Variants in VSTM2B observed in about 807,000 individuals in gnomAD.
The protein encoded by VSTM2B is V-set and transmembrane domain-containing protein 2B.
A neutral mutation model predicts 24.0 loss-of-function variants in VSTM2B; 24 were observed. That is an observed-to-expected ratio of 1.00 (90% CI 0.72 to 1.40). The LOEUF is 1.40. Among genes scored for constraint, VSTM2B ranks in the 40% most tolerant of loss-of-function variants. The probability of loss-of-function intolerance (pLI) is 0.00; values close to 1 mark genes in which losing one functional copy is unlikely to be tolerated. For missense variants in VSTM2B, 399 were observed against 416.4 expected, an observed-to-expected ratio of 0.96 and a Z score of 0.36; for synonymous variants, 226 against 194.4, an observed-to-expected ratio of 1.16 and a Z score of -1.35.
intron 4 of VSTM2B, among the ~76,000 whole-genome samples, chr19:29,544,814 A>G (rs1484846574): frequency 6.6e-6 from 1 of 152,188 alleles, no homozygotes; most frequent in African/African-American, 2.4e-5. Context: ...GACCTGGCCC[A>G]TGTCTGGTGC....
chr19:29,538,832 G>A (rs532351249), intron 4 of VSTM2B, among the ~76,000 whole-genome samples: 1 of 152,190 alleles, frequency 6.6e-6, no homozygotes, highest in African/African-American at 2.4e-5. Flanking sequence ...CCATGAGGAG[G>A]GCACCAGGCC....
intron 4 of VSTM2B, among the ~76,000 whole-genome samples, chr19:29,546,499 T>G (rs1369191800): frequency 1.3e-5 from 2 of 152,204 alleles, no homozygotes; most frequent in African/African-American, 4.8e-5. Context: ...CTGAGAGAGA[T>G]AAAGGGGAAA....
At chr19:29,528,591 C>T in intron 3 of VSTM2B, 129 bp downstream of exon 3, 3 of 1,189,292 alleles carry the variant, frequency 2.5e-6, no homozygotes, top group Non-Finnish European at 3.6e-6. Context: ...CGATCGCAGC[C>T]TTGCATCGGT....
chr19:29,526,717 G>C lies in VSTM2B; in HGVS notation c.82+52G>C. ...GTGGACTCGGGGGGGTCTTTGCTGG[G>C]GCCGCCACCGAGAAGAAGAAGAAAG... On this transcript the variant is annotated intron_variant, in intron 1 of 4. Transcript: ENST00000335523. This position sits in a 1 kb window ranked among gnomAD's most constrained non-coding sequence, Gnocchi z 4.1. 1 of 1,447,980 alleles carries C rather than the reference G, an allele frequency of 6.9e-7. No homozygotes were observed. Among genetic ancestry groups the C allele is most frequent in the South Asian group, 1.3e-5 (1 of 79,944 alleles). 89.7% of individuals were successfully genotyped at this position (1,447,980 alleles called of 1,614,324 possible).
chr19:29,556,970 T>C (rs1056415279), intron 4 of VSTM2B, among the ~76,000 whole-genome samples: 1 of 152,198 alleles, frequency 6.6e-6, no homozygotes, highest in Non-Finnish European at 1.5e-5. Context: ...AAGCAATTTA[T>C]AGATTCAATG....
chr19:29,549,682 T>TA (rs1970233755), intron 4 of VSTM2B, among the ~76,000 whole-genome samples: 1 of 152,156 alleles, frequency 6.6e-6, no homozygotes. Flanking sequence ...ATCTGGACCA[T>TA]ATATGTCTCC....
chr19:29,526,984 G>A lies in VSTM2B; in HGVS notation c.83-227G>A. 2.1e-5 allele frequency: 10 copies of A among 481,996 alleles called. No homozygotes were observed. The South Asian group carries it at 2.8e-4, about 14-fold the overall frequency. The allele number at this position is 481,996 out of a possible 1,614,324, so 29.9% of individuals were successfully genotyped here. On this transcript the variant is annotated intron_variant, in intron 1 of 4. Coordinates refer to ENST00000335523, the MANE Select transcript of VSTM2B (RefSeq NM_001146339.2). The surrounding 1 kb of genome is among the most constrained non-coding windows in gnomAD (Gnocchi z 4.1). ...GGGAGAAGCACGAGTCGCCCCTGCC[G>A]CCCCGCCCCATCCGGAGGGAAGCAG...
At position 29,526,621 on chromosome 19, in the gene VSTM2B, T is replaced by G; in HGVS notation, c.38T>G (p.Leu13Arg). 2.6e-6 allele frequency: 4 copies of G among 1,529,858 alleles called. No homozygotes were observed. The highest frequency in any genetic ancestry group is 2.6e-6 in the Non-Finnish European group (3 of 1,143,520). 94.8% of individuals were successfully genotyped at this position (1,529,858 alleles called of 1,614,324 possible). A position where few individuals can be genotyped will look rare whatever the true frequency, so the allele number is the denominator to read the frequency against. The part of the protein sequence containing the change: ...QRNRLGALGY[L>R]PPLLLHALLL... ...AACCGGCTCGGTGCCCTCGGATACC[T>G]GCCGCCTCTGCTGCTGCATGCCCTG... The change falls in exon 1 of 5, where the codon CTG becomes CGG. Residue 13 changes from leucine to arginine, a missense_variant. Physicochemically the swap from Leu to Arg is moderately radical, Grantham distance 102. Coordinates refer to ENST00000335523, the MANE Select transcript of VSTM2B (RefSeq NM_001146339.2). This position sits in a 1 kb window ranked among gnomAD's most constrained non-coding sequence, Gnocchi z 4.1.
rs1336479886 is a variant in VSTM2B, at chr19:29,529,995, G to A, written c.474G>A (p.Gln158=). ...VLSRFAPPNM[Q]AAEAVSHIQS... The stretch of plus-strand genomic sequence containing the variant: ...CGCGCTTCGCGCCGCCCAACATGCA[G>A]GCCGCCGAGGCCGTGTCCCACATCC... The change falls in exon 4 of 5, where the codon CAG becomes CAA. Residue 158 remains glutamine (Q), a synonymous_variant. Transcript: ENST00000335523. 1.9e-6 allele frequency: 3 copies of A among 1,541,860 alleles called. No individual in the cohort carries two copies. Among genetic ancestry groups the A allele is most frequent in the African/African-American group, 1.4e-5 (1 of 73,134 alleles).
chr19:29,547,004 T>C (rs1249546518), intron 4 of VSTM2B, among the ~76,000 whole-genome samples: 1 of 151,942 alleles, frequency 6.6e-6, no homozygotes, highest in African/African-American at 2.4e-5. Flanking sequence ...CGAGAGGTGG[T>C]GTGTGTGGCA....
intron 4 of VSTM2B, among the ~76,000 whole-genome samples, chr19:29,548,432 C>A (rs1441265729): frequency 6.6e-6 from 1 of 152,180 alleles, no homozygotes; most frequent in Non-Finnish European, 1.5e-5. Flanking sequence ...CTTGCTTCTG[C>A]CCCAGTTACA....
At chr19:29,531,233 A>T (rs1435182459) in intron 4 of VSTM2B, among the ~76,000 whole-genome samples, 3 of 152,094 alleles carry the variant, frequency 2.0e-5, no homozygotes, top group Non-Finnish European at 2.9e-5. Flanking sequence ...CCTGACTGTG[A>T]GCAGGTTGCT....
At chr19:29,560,803 A>G (rs1970506635) in intron 4 of VSTM2B, among the ~76,000 whole-genome samples, 3 of 152,200 alleles carry the variant, frequency 2.0e-5, no homozygotes, top group Non-Finnish European at 4.4e-5. Context: ...GCAATTTTAA[A>G]TGTCTCCTGA....
intron 4 of VSTM2B, among the ~76,000 whole-genome samples, chr19:29,558,346 A>T (rs1468008126): frequency 1.3e-5 from 2 of 152,228 alleles, no homozygotes; most frequent in Non-Finnish European, 2.9e-5. Flanking sequence ...TTGACCCAGC[A>T]ATCCCATTAC....
chr19:29,539,024 GT>G lies in VSTM2B; in HGVS notation c.769+8739del, dbSNP rs534280892. Among the ~76,000 whole-genome samples the G allele has an allele frequency of 6.4e-3, 972 of 152,262 alleles. 12 individuals are homozygous for G. The highest frequency in any genetic ancestry group is 0.022 in the African/African-American group (921 of 41,538). ...ATTGCAAATGGCTCGGAGAGTTGCT[GT>G]TTTTGTAAGTTCTCTGGCTGCACCA... On this transcript the variant is annotated intron_variant, in intron 4 of 4. Transcript: ENST00000335523.
chr19:29,558,050 C>T (rs1487460610), intron 4 of VSTM2B, among the ~76,000 whole-genome samples: 1 of 152,088 alleles, frequency 6.6e-6, no homozygotes, highest in Non-Finnish European at 1.5e-5. Flanking sequence ...TGAACAGACA[C>T]TTCTCAAAAG....
intron 4 of VSTM2B, among the ~76,000 whole-genome samples, chr19:29,535,761 C>T (rs1341024713): frequency 2.0e-5 from 3 of 152,062 alleles, no homozygotes; most frequent in Admixed American, 6.6e-5. Context: ...AGGAGAATCG[C>T]GATGCAGCAG....
chr19:29,555,145 G>T (rs977009911), intron 4 of VSTM2B, among the ~76,000 whole-genome samples: 1 of 152,076 alleles, frequency 6.6e-6, no homozygotes, highest in Non-Finnish European at 1.5e-5. Context: ...CTCTAAAATC[G>T]ATCACAAAAT....
chr19:29,527,472 G>A (rs964121707), intron 2 of VSTM2B, 77 bp downstream of exon 2: 5 of 1,313,738 alleles, frequency 3.8e-6, no homozygotes, highest in Non-Finnish European at 4.9e-6. Flanking sequence ...AGGGAGGGAA[G>A]CAGCGGGCTT....
Sources: gnomAD v4.1 joint callset for allele counts (sites outside exome capture counted in the v4.1 genomes callset) on GRCh38, gnomAD v4.1.1 for gene constraint, Gnocchi (gnomAD v3.1) non-coding constraint, MANE v1.5 for transcripts, NCBI Gene and HGNC (gene_info 2026-07-23, HGNC 2026-07-21) for gene names.